RBFOX1: variants seen among roughly 807,000 people sequenced by gnomAD.
RBFOX1 encodes the protein RNA binding fox-1 homolog 1.
A neutral mutation model predicts 57.7 loss-of-function variants in RBFOX1; 8 were observed. The ratio of observed to expected loss-of-function variants is 0.14; its 90% confidence interval spans 0.08 to 0.25. The LOEUF is 0.25. Among genes scored for constraint, RBFOX1 ranks in the 10% least tolerant of loss-of-function variants. RBFOX1 has a pLI of 1.00. For synonymous variants in RBFOX1, 326 were observed against 222.4 expected (o/e 1.47, Z -4.15); for missense variants, 611 against 548.5 (o/e 1.11, Z -1.14).
At chr16:6,697,590 C>A (rs533363396) in intron 3 of RBFOX1, among the ~76,000 whole-genome samples, 13 of 152,200 alleles carry the variant, frequency 8.5e-5, no homozygotes, top group Non-Finnish European at 1.5e-4. Flanking sequence ...TATCCTGGAA[C>A]TGGTTTCTGT....
At chr16:5,683,622 A>G (rs935672797) in intron 3 of RBFOX1, among the ~76,000 whole-genome samples, 25 of 150,216 alleles carry the variant, frequency 1.7e-4, no homozygotes, top group African/African-American at 6.1e-4. Flanking sequence ...TGAACATCAG[A>G]CTCCAAGTTC....
intron 1 of RBFOX1, among the ~76,000 whole-genome samples, chr16:6,125,271 A>G (rs2096581267): frequency 6.6e-6 from 1 of 152,208 alleles, no homozygotes; most frequent in Non-Finnish European, 1.5e-5. Flanking sequence ...ATTATAAATA[A>G]TAAGTCACTA....
chr16:7,408,561 G>C (rs527731014), intron 4 of RBFOX1, among the ~76,000 whole-genome samples: 16 of 152,260 alleles, frequency 1.1e-4, no homozygotes, highest in African/African-American at 3.6e-4. Flanking sequence ...TGAGTATTGC[G>C]ATTGCTGTTC....
At chr16:7,273,151 C>A (rs1194452639) in intron 4 of RBFOX1, among the ~76,000 whole-genome samples, 1 of 118,250 alleles carries the variant, frequency 8.5e-6, no homozygotes, top group South Asian at 3.5e-4. Context: ...TTCCTTCTTT[C>A]TCCTTCCTTC....
At chr16:7,217,938 ATGTG>A (rs757044965) in intron 4 of RBFOX1, among the ~76,000 whole-genome samples, 18 of 149,802 alleles carry the variant, frequency 1.2e-4, no homozygotes, top group African/African-American at 3.7e-4. Flanking sequence ...GTGTGCGTGC[ATGTG>A]TGTGTGTGTG....
chr16:7,121,884 A>G (rs2067265448), intron 4 of RBFOX1, among the ~76,000 whole-genome samples: 2 of 152,030 alleles, frequency 1.3e-5, no homozygotes, highest in African/African-American at 4.8e-5. Flanking sequence ...CACAAAATAT[A>G]CTTAATTAAA....
chr16:7,269,925 G>A (rs1201124068), intron 4 of RBFOX1, among the ~76,000 whole-genome samples: 1 of 152,086 alleles, frequency 6.6e-6, no homozygotes, highest in Non-Finnish European at 1.5e-5. Flanking sequence ...ACATTATTTG[G>A]TATTATTACA....
intron 3 of RBFOX1, among the ~76,000 whole-genome samples, chr16:6,700,219 A>G (rs931131322): frequency 6.6e-6 from 1 of 152,144 alleles, no homozygotes; most frequent in Non-Finnish European, 1.5e-5. Flanking sequence ...TGAGAAGTGT[A>G]CCATGCACTG....
chr16:6,562,205 C>G (rs998558729), intron 2 of RBFOX1, among the ~76,000 whole-genome samples: 1 of 152,184 alleles, frequency 6.6e-6, no homozygotes, highest in Admixed American at 6.5e-5. Flanking sequence ...GACTTGGGTG[C>G]CAGCCCTCTG....
chr16:5,347,928 C>T (rs1235484056), intron 1 of RBFOX1, among the ~76,000 whole-genome samples: 1 of 134,968 alleles, frequency 7.4e-6, no homozygotes, highest in Admixed American at 7.5e-5. Flanking sequence ...ATCAACCCAT[C>T]CTTCCACTCA....
intron 4 of RBFOX1, among the ~76,000 whole-genome samples, chr16:7,097,693 C>G (rs1159707957): frequency 6.6e-6 from 1 of 152,162 alleles, no homozygotes; most frequent in African/African-American, 2.4e-5. Flanking sequence ...TCAAAGAAAC[C>G]TGCTCCCCAA....
intron 3 of RBFOX1, among the ~76,000 whole-genome samples, chr16:7,014,613 A>G (rs1474321146): frequency 6.6e-6 from 1 of 152,126 alleles, no homozygotes; most frequent in African/African-American, 2.4e-5. Flanking sequence ...TTGCAAAAAT[A>G]CATTTAAAAG....
chr16:7,095,289 C>T (rs895456772), intron 4 of RBFOX1, among the ~76,000 whole-genome samples: 4 of 152,004 alleles, frequency 2.6e-5, no homozygotes, highest in African/African-American at 9.7e-5. Context: ...AGGCTGTCAC[C>T]ACTGTGCCTG....
At chr16:7,089,414 AAGT>A (rs1039273827) in intron 4 of RBFOX1, among the ~76,000 whole-genome samples, 13 of 152,192 alleles carry the variant, frequency 8.5e-5, no homozygotes, top group African/African-American at 2.7e-4. Context: ...CATTAAAAAA[AAGT>A]AGTCACGTGG....
At chr16:5,554,855 G>T (rs76822067) in intron 2 of RBFOX1, among the ~76,000 whole-genome samples, 7,396 of 152,270 alleles carry the variant, frequency 0.049, 193 homozygotes, top group East Asian at 0.1. Context: ...CTTCTGAGCA[G>T]TTGTCTCCAA....
At chr16:6,664,590 A>T (rs2098720546) in intron 3 of RBFOX1, among the ~76,000 whole-genome samples, 1 of 152,296 alleles carries the variant, frequency 6.6e-6, no homozygotes. Flanking sequence ...ACAGCTGCGC[A>T]TGTAGCCCAC....
intron 3 of RBFOX1, among the ~76,000 whole-genome samples, chr16:5,752,061 T>C (rs7200175): frequency 0.6 from 90,507 of 152,076 alleles, 29,948 homozygotes; most frequent in African/African-American, 0.9. Context: ...AGAAAATGTA[T>C]GCATATACCA....
intron 4 of RBFOX1, among the ~76,000 whole-genome samples, chr16:7,427,424 G>C (rs1358492954): frequency 2.6e-5 from 4 of 152,120 alleles, no homozygotes; most frequent in African/African-American, 9.6e-5. Context: ...GACAGGCTTG[G>C]TTTTGCAAAA....
At chr16:5,929,171 G>A (rs2058996784) in intron 4 of RBFOX1, among the ~76,000 whole-genome samples, 1 of 152,118 alleles carries the variant, frequency 6.6e-6, no homozygotes. Context: ...AAGCGGACAG[G>A]GAAGGGGCAT....
Sources: allele counts gnomAD v4.1 joint callset (sites outside exome capture counted in the v4.1 genomes callset), GRCh38; gene constraint gnomAD v4.1.1; transcripts MANE v1.5; gene names NCBI Gene and HGNC (gene_info 2026-07-23, HGNC 2026-07-21).